The following ROR2 variants were observed in gnomAD, a reference collection of about 807,000 sequenced individuals.
ROR2 encodes the protein tyrosine-protein kinase transmembrane receptor ROR2.
A neutral mutation model predicts 74.9 loss-of-function variants in ROR2; 33 were observed. That is an observed-to-expected ratio of 0.44 (90% CI 0.33 to 0.59). The LOEUF is 0.59. Ranked by LOEUF, ROR2 falls within the 20% of genes least tolerant of loss-of-function variation. The pLI is 0.02. For synonymous variants in ROR2, 586 were observed against 558.7 expected (o/e 1.05, Z -0.69); for missense variants, 1,216 against 1,313.8 (o/e 0.93, Z 1.15).
intron 4 of ROR2, among the ~76,000 whole-genome samples, chr9:91,745,582 C>T (rs1030815337): frequency 6.6e-6 from 1 of 151,878 alleles, no homozygotes; most frequent in African/African-American, 2.4e-5. Flanking sequence ...TGTGCCACCA[C>T]ACCTGGCTAA....
At chr9:91,839,519 G>A (rs1253121520) in intron 1 of ROR2, among the ~76,000 whole-genome samples, 1 of 151,878 alleles carries the variant, frequency 6.6e-6, no homozygotes, top group Non-Finnish European at 1.5e-5. Flanking sequence ...TGTGTGGTGC[G>A]TGTATGTTGT....
At chr9:91,818,566 C>T (rs546438836) in intron 1 of ROR2, among the ~76,000 whole-genome samples, 1 of 151,474 alleles carries the variant, frequency 6.6e-6, no homozygotes, top group Non-Finnish European at 1.5e-5. Flanking sequence ...AATGACTGAA[C>T]CATTCCTAAC....
chr9:91,808,853 A>G (rs1485456093), intron 1 of ROR2, among the ~76,000 whole-genome samples: 1 of 151,428 alleles, frequency 6.6e-6, no homozygotes, highest in African/African-American at 2.4e-5. Context: ...AATATAAAAA[A>G]TTAGCCGGGC....
intron 1 of ROR2, among the ~76,000 whole-genome samples, chr9:91,947,304 T>A (rs1199720031): frequency 6.6e-6 from 1 of 152,148 alleles, no homozygotes; most frequent in Admixed American, 6.5e-5. Flanking sequence ...GAGTGTCACA[T>A]AGGGTCCACG....
rs538293420 is a variant in ROR2 at position 91,764,789 on chromosome 9, A to C, written c.176-7230T>G. On this transcript the variant is annotated intron_variant, in intron 2 of 8. Coordinates refer to ENST00000375708, the MANE Select transcript of ROR2 (RefSeq NM_004560.4). ...TCTTTGGGTAAAGGACTAAGGCTGC[A>C]AACACTCTTAGTCTTGGTCTGAAAA... Among the ~76,000 whole-genome samples, 57 of 152,328 alleles carry C rather than the reference A, an allele frequency of 3.7e-4. No individual in the cohort carries two copies. In the South Asian group the frequency reaches 6.4e-3, roughly 17 times the overall value.
In ROR2 at chr9:91,831,250, G is replaced by A. The variant is rs943290611; in HGVS notation, c.98-55432C>T. 6.1e-5 allele frequency among the ~76,000 whole-genome samples: 9 copies of A among 147,508 alleles called. No individual in the cohort carries two copies. The South Asian group carries it at 8.6e-4, about 14-fold the overall frequency. On this transcript the variant is annotated intron_variant, in intron 1 of 8. Transcript: ENST00000375708. ...CACTCCAAGCCTAGGCAACAAGAGCGAAACTCCATCTCAAAAAAACAAAAA... is the reference window on the plus strand; with the variant it reads ...CACTCCAAGCCTAGGCAACAAGAGCAAAACTCCATCTCAAAAAAACAAAAA...
intron 1 of ROR2, among the ~76,000 whole-genome samples, chr9:91,857,664 CCT>C (rs1171795194): frequency 6.6e-6 from 1 of 152,098 alleles, no homozygotes; most frequent in Non-Finnish European, 1.5e-5. Context: ...GAGGCAGGCC[CCT>C]GTCTTCTGGG....
intron 1 of ROR2, among the ~76,000 whole-genome samples, chr9:91,914,016 A>G (rs899776175): frequency 6.6e-6 from 1 of 152,110 alleles, no homozygotes; most frequent in Non-Finnish European, 1.5e-5. Context: ...TAAGATGGTA[A>G]AGTCTCTCTG....
At chr9:91,908,188 A>G (rs897774666) in intron 1 of ROR2, among the ~76,000 whole-genome samples, 1 of 152,192 alleles carries the variant, frequency 6.6e-6, no homozygotes, top group Non-Finnish European at 1.5e-5. Context: ...TCTTGGTCAC[A>G]TGGTGAGTGG....
At chr9:91,881,177 T>C (rs746285904) in intron 1 of ROR2, among the ~76,000 whole-genome samples, 30 of 152,130 alleles carry the variant, frequency 2.0e-4, no homozygotes, top group Non-Finnish European at 4.0e-4. Context: ...ATCCTACATA[T>C]TGAAAACGAG....
chr9:91,809,959 T>C (rs1339630592), intron 1 of ROR2, among the ~76,000 whole-genome samples: 1 of 152,202 alleles, frequency 6.6e-6, no homozygotes, highest in African/African-American at 2.4e-5. Context: ...TTGTGGCAAC[T>C]TGGTAAAGCT....
At chr9:91,922,078 T>C (rs868773413) in intron 1 of ROR2, among the ~76,000 whole-genome samples, 10 of 151,230 alleles carry the variant, frequency 6.6e-5, no homozygotes, top group African/African-American at 2.2e-4. Context: ...AGGACGACTA[T>C]TACCAAAAAA....
chr9:91,887,882 C>G (rs1830330403), intron 1 of ROR2, among the ~76,000 whole-genome samples: 1 of 149,966 alleles, frequency 6.7e-6, no homozygotes, highest in Admixed American at 6.7e-5. Context: ...ACCTCTGCCT[C>G]CCGGGTTGAA....
intron 1 of ROR2, among the ~76,000 whole-genome samples, chr9:91,826,864 G>C (rs957798749): frequency 6.6e-6 from 1 of 152,026 alleles, no homozygotes; most frequent in African/African-American, 2.4e-5. Context: ...GTAACATTTT[G>C]AGAAGGGGAG....
At chr9:91,766,538 G>A (rs1330487437) in intron 2 of ROR2, among the ~76,000 whole-genome samples, 2 of 152,108 alleles carry the variant, frequency 1.3e-5, no homozygotes, top group Non-Finnish European at 2.9e-5. Flanking sequence ...GATTCTCTAG[G>A]GGCCAAACAT....
chr9:91,737,270 T>C, intron 5 of ROR2, 121 bp downstream of exon 5: 2 of 1,277,594 alleles, frequency 1.6e-6, no homozygotes, highest in Non-Finnish European at 2.3e-6. Flanking sequence ...CTACCACAAA[T>C]GAAATGGAAG....
chr9:91,864,020 G>A (rs1350932743), intron 1 of ROR2, among the ~76,000 whole-genome samples: 1 of 151,984 alleles, frequency 6.6e-6, no homozygotes, highest in Non-Finnish European at 1.5e-5. Flanking sequence ...GGAAGCAGAC[G>A]CAGAAACAAA....
chr9:91,789,780 T>A (rs1826913222), intron 1 of ROR2, among the ~76,000 whole-genome samples: 1 of 152,060 alleles, frequency 6.6e-6, no homozygotes, highest in South Asian at 2.1e-4. Context: ...GACACAATTA[T>A]GACATGCAGA....
At chr9:91,806,146 G>A (rs1187268437) in intron 1 of ROR2, among the ~76,000 whole-genome samples, 1 of 152,206 alleles carries the variant, frequency 6.6e-6, no homozygotes, top group African/African-American at 2.4e-5. Context: ...TAGGGACAGG[G>A]GGTTCTCTCA....
Sources: gnomAD v4.1 joint callset for allele counts (sites outside exome capture counted in the v4.1 genomes callset) on GRCh38, gnomAD v4.1.1 for gene constraint, MANE v1.5 for transcripts, NCBI Gene and HGNC (gene_info 2026-07-23, HGNC 2026-07-21) for gene names.